Variants in SLC36A3 observed in about 807,000 individuals in gnomAD.
The protein encoded by SLC36A3 is proton-coupled amino acid transporter 3.
A neutral mutation model predicts 44.3 loss-of-function variants in SLC36A3; 35 were observed. The observed-to-expected ratio is 0.79, with a 90% CI of 0.60 to 1.05. The LOEUF is 1.05. Among genes scored for constraint, SLC36A3 ranks in the 50% least tolerant of loss-of-function variants. The pLI, the probability that SLC36A3 is intolerant of heterozygous loss-of-function variation, is 0.00. For synonymous variants in SLC36A3, 211 were observed against 227.6 expected, an observed-to-expected ratio of 0.93 and a Z score of 0.66; for missense variants, 540 against 578.7, an observed-to-expected ratio of 0.93 and a Z score of 0.69.
Position 151,281,025 on chromosome 5 carries a change from A to C in SLC36A3, c.1133T>G (p.Val378Gly). 1 of 1,614,196 alleles carries C rather than the reference A, an allele frequency of 6.2e-7. No individual in the cohort carries two copies. Residue 378 changes from valine to glycine, a missense_variant, in exon 9 of 10, where the codon GTC (valine) becomes GGC (glycine). Val to Gly is a moderately radical substitution (Grantham distance 109). Coordinates refer to ENST00000335230, the MANE Select transcript of SLC36A3 (RefSeq NM_181774.4). ...TTTATGCTACTCACAGGTTAGACAG[A>C]CCAAGGCTGAGCGGACAGACAGGTC... ...FVDLSVRSAL[V>G]CLTCVSAILI... is the part of the protein sequence containing the mutation.
At position 151,303,231 on chromosome 5, in the gene SLC36A3, G is replaced by A. The variant is rs1412833405; in HGVS notation, c.124C>T (p.Leu42=). Residue 42 remains leucine (L), a synonymous_variant, in exon 1 of 10, where the codon CTA becomes TTA. Coordinates refer to ENST00000335230, the MANE Select transcript of SLC36A3 (RefSeq NM_181774.4). ...ENVHPAGEAG[L]SMMQTLIHLL... ...AAGGGCGGTGCGGCCACTTACGATA[G>A]TCCAGCTTCTCCAGCAGGATGGACA... 2 of 1,612,670 alleles carry A rather than the reference G, an allele frequency of 1.2e-6. No individual in the cohort carries two copies. Among genetic ancestry groups the A allele is most frequent in the Non-Finnish European group, 1.7e-6 (2 of 1,179,186 alleles).
chr5:151,281,748 G>A (rs1303312787), intron 8 of SLC36A3, among the ~76,000 whole-genome samples: 3 of 150,922 alleles, frequency 2.0e-5, no homozygotes, highest in Admixed American at 2.0e-4. Context: ...AACCCAGGAG[G>A]TGGAGGTTGC....
At chr5:151,292,270 C>T (rs1403076751) in intron 4 of SLC36A3, among the ~76,000 whole-genome samples, 1 of 152,244 alleles carries the variant, frequency 6.6e-6, no homozygotes, top group African/African-American at 2.4e-5. Flanking sequence ...TTCTCATGAC[C>T]TCATCTAATC....
chr5:151,294,400 T>TGGTG (rs1203940520), intron 3 of SLC36A3, among the ~76,000 whole-genome samples: 2 of 152,164 alleles, frequency 1.3e-5, no homozygotes, highest in Non-Finnish European at 2.9e-5. Flanking sequence ...ACTGGTGATC[T>TGGTG]GGTGGGTGAC....
At chr5:151,299,394 T>TATATA (rs58121505) in intron 1 of SLC36A3, among the ~76,000 whole-genome samples, 6 of 133,014 alleles carry the variant, frequency 4.5e-5, no homozygotes, top group African/African-American at 1.6e-4. Flanking sequence ...TATATATATA[T>TATATA]TATATATATA....
intron 6 of SLC36A3, among the ~76,000 whole-genome samples, chr5:151,286,939 T>C (rs1754556240): frequency 6.6e-6 from 1 of 152,204 alleles, no homozygotes; most frequent in African/African-American, 2.4e-5. Context: ...TGCTGACCAC[T>C]GAGTCCCTGG....
At chr5:151,295,819 G>A (rs1754939005) in intron 3 of SLC36A3, among the ~76,000 whole-genome samples, 1 of 152,222 alleles carries the variant, frequency 6.6e-6, no homozygotes, top group East Asian at 1.9e-4. Context: ...TGGAGTGGGA[G>A]AAGGTTGGGG....
At position 151,276,959 on chromosome 5, in the gene SLC36A3, T is replaced by G. The variant is rs1207407486; in HGVS notation, c.*434A>C. ...TGCTGAGTTCTGTTTTTGTTCTGTCTATGACTCTTCTACTTAGAATATCTA... is the reference window on the plus strand; with the variant it reads ...TGCTGAGTTCTGTTTTTGTTCTGTCGATGACTCTTCTACTTAGAATATCTA... On this transcript the variant is annotated 3_prime_UTR_variant, in exon 10 of 10. Coordinates refer to ENST00000335230, the MANE Select transcript of SLC36A3 (RefSeq NM_181774.4). 5.6e-6 allele frequency: 1 copy of G among 179,870 alleles called. No individual in the cohort carries two copies. The highest frequency in any genetic ancestry group is 2.4e-5 in the African/African-American group (1 of 42,062). 11.1% of individuals were successfully genotyped at this position (179,870 alleles called of 1,614,324 possible). A position where few individuals can be genotyped will look rare whatever the true frequency, so the allele number is the denominator to read the frequency against.
In SLC36A3 at chr5:151,281,149, C is replaced by A. The variant is rs151230457; in HGVS notation, c.1009G>T (p.Gly337Cys). 1 of 1,613,376 alleles carries A rather than the reference C, an allele frequency of 6.2e-7. No individual in the cohort carries two copies. The highest frequency in any genetic ancestry group is 8.5e-7 in the Non-Finnish European group (1 of 1,179,720). Residue 337 changes from glycine (G) to cysteine (C), a missense_variant, in exon 9 of 10, where the codon GGC (glycine) becomes TGC (cysteine). Transcript: ENST00000335230. ...TGGAGGGCATAGGTGAAGAAGATGC[C>A]GATAGAGTACATCAGCTTGACTGAC... ...YQSVKLMYSI[G>C]IFFTYALQFH...
intron 9 of SLC36A3, 39 bp downstream of exon 9, chr5:151,280,975 C>T (rs1754290581): frequency 1.2e-6 from 2 of 1,612,294 alleles, no homozygotes; most frequent in Non-Finnish European, 1.7e-6. Flanking sequence ...GGCTCCCTGT[C>T]ATAGCTTTGG....
intron 1 of SLC36A3, among the ~76,000 whole-genome samples, chr5:151,301,996 T>C (rs1001833897): frequency 1.3e-5 from 2 of 152,216 alleles, no homozygotes; most frequent in Non-Finnish European, 2.9e-5. Context: ...AAGAACTAGA[T>C]TGTAATACTT....
intron 1 of SLC36A3, among the ~76,000 whole-genome samples, chr5:151,302,963 G>A (rs1281553116): frequency 1.3e-5 from 2 of 152,150 alleles, no homozygotes; most frequent in Non-Finnish European, 2.9e-5. Context: ...GACAGCCTGA[G>A]ATAGGAAACT....
chr5:151,293,193 A>C (rs371697491), intron 4 of SLC36A3, among the ~76,000 whole-genome samples, 171 bp downstream of exon 4: 4 of 152,352 alleles, frequency 2.6e-5, no homozygotes, highest in African/African-American at 9.6e-5. Flanking sequence ...GGTTTCAATG[A>C]TTACCTTATG....
In SLC36A3 at chr5:151,284,621, C is replaced by G; in HGVS notation, c.799G>C (p.Val267Leu). Reference sequence around the variant, plus strand: ...AACCCCATCAATCTTACCATACCGACGCCTTCAAATGTGAAGATGGCTGTA... The same window carrying G: ...AACCCCATCAATCTTACCATACCGAGGCCTTCAAATGTGAAGATGGCTGTA... ...FGTAIFTFEG[V>L]GMVLPLKNQM... The change falls in exon 7 of 10, where the codon GTC becomes CTC. Residue 267 changes from valine to leucine, a missense_variant. Physicochemically the swap from Val to Leu is conservative, Grantham distance 32 (BLOSUM62 1). Coordinates refer to ENST00000335230, the MANE Select transcript of SLC36A3 (RefSeq NM_181774.4). 1 of 1,610,414 alleles carries G rather than the reference C, an allele frequency of 6.2e-7. No individual in the cohort carries two copies. The highest frequency in any genetic ancestry group is 8.5e-7 in the Non-Finnish European group (1 of 1,177,610).
At chr5:151,298,332 A>G (rs1755030550) in intron 2 of SLC36A3, 1 of 412,722 alleles carries the variant, frequency 2.4e-6, no homozygotes, top group Non-Finnish European at 4.4e-6. Flanking sequence ...TGATCCTAGG[A>G]GTGGGGAGGA....
chr5:151,277,783 G>A (rs1233173067), intron 9 of SLC36A3, 122 bp from the exon 10 acceptor site: 6 of 1,273,246 alleles, frequency 4.7e-6, no homozygotes, highest in Non-Finnish European at 6.4e-6. Flanking sequence ...GGAGCCTACT[G>A]CAGGCTTGGG....
At position 151,303,404 on chromosome 5, in the gene SLC36A3, G is replaced by A. The variant is rs930325896; in HGVS notation, c.-50C>T. The A allele has an allele frequency of 5.1e-6, 8 of 1,576,460 alleles. No individual in the cohort carries two copies. Among genetic ancestry groups the A allele is most frequent in the African/African-American group, 4.1e-5 (3 of 73,970 alleles). On this transcript the variant is annotated 5_prime_UTR_variant, in exon 1 of 10. Transcript: ENST00000335230. ...GAGGCTCAGGGTTAAGGCTCTGAAT[G>A]AGCCTCTGATGGGTCTTTCTCCAGA...
chr5:151,280,282 C>T (rs755877438), intron 9 of SLC36A3, among the ~76,000 whole-genome samples: 4 of 151,960 alleles, frequency 2.6e-5, no homozygotes, highest in African/African-American at 4.8e-5. Context: ...GATGAAACCC[C>T]GTCTCTACTA....
In SLC36A3 at chr5:151,276,615, A is replaced by G. The variant is rs1754101009; in HGVS notation, c.*778T>C. 6.6e-6 allele frequency: 1 copy of G among 152,208 alleles called. No homozygotes were observed. The highest frequency in any genetic ancestry group is 1.5e-5 in the Non-Finnish European group (1 of 68,042). 9.4% of individuals were successfully genotyped at this position (152,208 alleles called of 1,614,324 possible). ...ATATTTCTTTTTTCTGGAGTGGAAT[A>G]GTTGGATCATATGGTAGGTATATGT... On this transcript the variant is annotated 3_prime_UTR_variant, in exon 10 of 10. Coordinates refer to ENST00000335230, the MANE Select transcript of SLC36A3 (RefSeq NM_181774.4).
Sources: gnomAD v4.1 joint callset for allele counts (sites outside exome capture counted in the v4.1 genomes callset) on GRCh38, gnomAD v4.1.1 for gene constraint, MANE v1.5 for transcripts, NCBI Gene and HGNC (gene_info 2026-07-23, HGNC 2026-07-21) for gene names.